Variants in TANGO6 observed in about 807,000 individuals in gnomAD.
The protein encoded by TANGO6 is transport and golgi organization 6 homolog.
Under a neutral mutation model 114.2 loss-of-function variants are expected in TANGO6, and 90 were observed. The observed-to-expected ratio is 0.79, with a 90% CI of 0.66 to 0.94. The LOEUF (loss-of-function observed/expected upper bound fraction) is 0.94, where lower values mean the gene tolerates loss of function less well. Ranked by LOEUF, TANGO6 falls within the 40% of genes least tolerant of loss-of-function variation. The pLI is 0.00. For missense variants in TANGO6, 1,274 were observed against 1,315.3 expected (o/e 0.97, Z 0.49); for synonymous variants, 477 against 509.8 (o/e 0.94, Z 0.87).
chr16:68,864,455 C>T (rs1775937068), intron 3 of TANGO6, among the ~76,000 whole-genome samples: 1 of 152,036 alleles, frequency 6.6e-6, no homozygotes, highest in South Asian at 2.1e-4. Context: ...GTAGCATGCA[C>T]CTGTAGTTCC....
chr16:69,021,190 A>T (rs1323223093), intron 15 of TANGO6, among the ~76,000 whole-genome samples: 1 of 151,960 alleles, frequency 6.6e-6, no homozygotes, highest in Non-Finnish European at 1.5e-5. Context: ...GCCCTTCATG[A>T]TCTACCCCAC....
intron 15 of TANGO6, among the ~76,000 whole-genome samples, chr16:68,980,084 G>T (rs1963809816): frequency 6.6e-6 from 1 of 151,906 alleles, no homozygotes; most frequent in African/African-American, 2.4e-5. Flanking sequence ...CTGACCTCGT[G>T]ATCTGCCCGC....
chr16:69,068,860 C>A (rs990066586), intron 17 of TANGO6, among the ~76,000 whole-genome samples: 7 of 152,112 alleles, frequency 4.6e-5, no homozygotes, highest in Admixed American at 1.3e-4. Context: ...ATTACAGGTG[C>A]CCGCCACCAC....
At chr16:69,004,740 G>T (rs984620429) in intron 15 of TANGO6, among the ~76,000 whole-genome samples, 1 of 152,128 alleles carries the variant, frequency 6.6e-6, no homozygotes, top group Non-Finnish European at 1.5e-5. Context: ...TGCTTAAAAG[G>T]CACCTTAGTA....
At chr16:68,872,837 C>T (rs989573907) in intron 4 of TANGO6, among the ~76,000 whole-genome samples, 26 of 151,868 alleles carry the variant, frequency 1.7e-4, no homozygotes, top group African/African-American at 6.3e-4. Flanking sequence ...GCTGGGACTA[C>T]AGGTTTGTGC....
intron 11 of TANGO6, 192 bp downstream of exon 11, chr16:68,909,594 A>C (rs534393341): frequency 2.4e-6 from 1 of 419,480 alleles, no homozygotes; most frequent in Admixed American, 4.5e-5. Flanking sequence ...CTGAGACTCC[A>C]CACGTTTAAC....
At chr16:68,957,834 AAAATG>A (rs1963549258) in intron 14 of TANGO6, among the ~76,000 whole-genome samples, 2 of 152,334 alleles carry the variant, frequency 1.3e-5, no homozygotes, top group East Asian at 1.9e-4. Context: ...ATAGATTTGA[AAAATG>A]AAATGGAAAG....
intron 14 of TANGO6, among the ~76,000 whole-genome samples, chr16:68,962,933 A>G (rs1415306855): frequency 2.0e-5 from 3 of 150,690 alleles, no homozygotes; most frequent in African/African-American, 4.9e-5. Context: ...AAATATGAAA[A>G]AAAAAAAAAA....
intron 15 of TANGO6, among the ~76,000 whole-genome samples, chr16:69,008,912 G>A (rs1159385162): frequency 6.6e-6 from 1 of 151,800 alleles, no homozygotes; most frequent in Non-Finnish European, 1.5e-5. Context: ...CAAATGCCGG[G>A]ATTACAGGTG....
intron 15 of TANGO6, among the ~76,000 whole-genome samples, chr16:68,986,181 A>G (rs1408389680): frequency 2.0e-5 from 3 of 152,226 alleles, no homozygotes; most frequent in Non-Finnish European, 4.4e-5. Context: ...TCTAGGCCAG[A>G]GACTTCTAAA....
At chr16:68,871,116 T>C (rs1962261224) in intron 4 of TANGO6, among the ~76,000 whole-genome samples, 1 of 152,032 alleles carries the variant, frequency 6.6e-6, no homozygotes, top group African/African-American at 2.4e-5. Context: ...TAGCTTTTGT[T>C]TGTCTGAAAA....
chr16:68,967,059 G>A (rs1156653501), intron 14 of TANGO6, among the ~76,000 whole-genome samples: 2 of 152,034 alleles, frequency 1.3e-5, no homozygotes, highest in African/African-American at 2.4e-5. Context: ...GGTGTGAGCC[G>A]CTGTGCCCAG....
At chr16:68,848,096 C>T (rs935428259) in intron 1 of TANGO6, among the ~76,000 whole-genome samples, 3 of 151,574 alleles carry the variant, frequency 2.0e-5, no homozygotes, top group African/African-American at 7.3e-5. Flanking sequence ...CTCTGTTTCT[C>T]TCTCTCTCTT....
chr16:68,889,145 C>A (rs1401615822), intron 7 of TANGO6, among the ~76,000 whole-genome samples: 1 of 152,150 alleles, frequency 6.6e-6, no homozygotes, highest in Non-Finnish European at 1.5e-5. Context: ...TTTTTAAGAG[C>A]AGTTTTAGGT....
chr16:68,953,763 T>A (rs1963497771), intron 14 of TANGO6, among the ~76,000 whole-genome samples: 1 of 152,208 alleles, frequency 6.6e-6, no homozygotes, highest in Non-Finnish European at 1.5e-5. Flanking sequence ...AAACCCGCCT[T>A]TGTGACAGCT....
In TANGO6 at chr16:68,927,911, G is replaced by T. The variant is rs981442089; in HGVS notation, c.2471G>T (p.Ser824Ile). The T allele has an allele frequency of 6.2e-7, 1 of 1,613,778 alleles. No individual in the cohort carries two copies. The highest frequency in any genetic ancestry group is 8.5e-7 in the Non-Finnish European group (1 of 1,179,852). The part of the protein sequence containing the change: ...PIIPQGVNEP[S>I]TTTSQKSGSV... ...ATTCCTCAAGGAGTCAATGAGCCCAGCACTACTACAAGTCAGAAATCTGGA... is the reference window on the plus strand; with the variant it reads ...ATTCCTCAAGGAGTCAATGAGCCCATCACTACTACAAGTCAGAAATCTGGA... Residue 824 changes from serine to isoleucine, a missense_variant, in exon 13 of 18, where the codon AGC becomes ATC. This residue lies in a region of TANGO6 where 908 missense variants were observed against 910.2 expected (regional missense o/e 1.00). Coordinates refer to ENST00000261778, the MANE Select transcript of TANGO6 (RefSeq NM_024562.2).
intron 3 of TANGO6, among the ~76,000 whole-genome samples, chr16:68,863,727 T>C (rs1289298628): frequency 6.6e-6 from 1 of 152,240 alleles, no homozygotes; most frequent in African/African-American, 2.4e-5. Context: ...AGCACAACTA[T>C]CTGGACACTA....
At chr16:68,971,375 A>G (rs1349068929) in intron 14 of TANGO6, among the ~76,000 whole-genome samples, 1 of 151,974 alleles carries the variant, frequency 6.6e-6, no homozygotes, top group Non-Finnish European at 1.5e-5. Context: ...GGCTCAAGCA[A>G]TCCTCCTGCC....
chr16:68,861,133 C>T (rs1204801250), intron 2 of TANGO6, among the ~76,000 whole-genome samples: 1 of 152,142 alleles, frequency 6.6e-6, no homozygotes, highest in East Asian at 1.9e-4. Flanking sequence ...TCCTTTTCTT[C>T]AAATAACTCA....
Sources: gnomAD v4.1 joint callset for allele counts (sites outside exome capture counted in the v4.1 genomes callset) on GRCh38, gnomAD v4.1.1 for gene constraint, gnomAD v4.1.1 regional missense constraint, MANE v1.5 for transcripts, NCBI Gene and HGNC (gene_info 2026-07-23, HGNC 2026-07-21) for gene names.